The following TAFA2 variants were observed in gnomAD, a reference collection of about 807,000 sequenced individuals.
The protein encoded by TAFA2 is chemokine-like protein TAFA-2.
TAFA2 carries 7 observed loss-of-function variants against 18.8 expected under a neutral mutation model. That is an observed-to-expected ratio of 0.37 (90% CI 0.21 to 0.70). The LOEUF (loss-of-function observed/expected upper bound fraction) is 0.70. TAFA2 is among the 30% of genes least tolerant of loss of function. The pLI, the probability that TAFA2 is intolerant of heterozygous loss-of-function variation, is 0.53. For synonymous variants in TAFA2, 60 were observed against 54.2 expected, an observed-to-expected ratio of 1.11 and a Z score of -0.47; for missense variants, 122 against 158.1, an observed-to-expected ratio of 0.77 and a Z score of 1.23.
intron 2 of TAFA2, among the ~76,000 whole-genome samples, chr12:61,775,360 A>G (rs1870211483): frequency 6.6e-6 from 1 of 151,874 alleles, no homozygotes; most frequent in Non-Finnish European, 1.5e-5. Context: ...GCACATGGAT[A>G]TTTATAGCAG....
chr12:62,002,973 C>T (rs552610047), intron 1 of TAFA2, among the ~76,000 whole-genome samples: 1 of 152,264 alleles, frequency 6.6e-6, no homozygotes, highest in East Asian at 1.9e-4. Flanking sequence ...ACCCATCTGA[C>T]ATCCTCTCTA....
At chr12:61,889,890 C>T (rs1186396023) in intron 1 of TAFA2, among the ~76,000 whole-genome samples, 1 of 152,248 alleles carries the variant, frequency 6.6e-6, no homozygotes. Flanking sequence ...TCCCCATCAA[C>T]CACTGACTTT....
At chr12:62,153,476 A>C (rs992864386) in intron 1 of TAFA2, among the ~76,000 whole-genome samples, 4 of 152,106 alleles carry the variant, frequency 2.6e-5, no homozygotes, top group Non-Finnish European at 5.9e-5. Context: ...CAGTCTGGGC[A>C]ACAGAGCAAG....
chr12:62,085,340 A>G (rs1394991292), intron 1 of TAFA2, among the ~76,000 whole-genome samples: 1 of 152,198 alleles, frequency 6.6e-6, no homozygotes, highest in Non-Finnish European at 1.5e-5. Context: ...GTTTTATCCC[A>G]AGCTTAGCAG....
intron 4 of TAFA2, among the ~76,000 whole-genome samples, chr12:61,734,786 A>G (rs1317589066): frequency 6.6e-6 from 1 of 152,068 alleles, no homozygotes; most frequent in East Asian, 1.9e-4. Flanking sequence ...ATATACATAT[A>G]GAATTTACCA....
At chr12:61,760,133 T>C (rs541763477) in intron 2 of TAFA2, among the ~76,000 whole-genome samples, 1 of 150,046 alleles carries the variant, frequency 6.7e-6, no homozygotes, top group East Asian at 2.0e-4. Flanking sequence ...GGTAGTTTCC[T>C]GGTGAGAAAT....
Position 61,878,111 on chromosome 12 carries a change from G to C in TAFA2, c.-1-10685C>G, listed in dbSNP as rs901928722. ...TACCTAGAATAGTCAAATTCGTTGA[G>C]ACAGAAAGTAGAATAGAGATTACCA... On this transcript the variant is annotated intron_variant, in intron 1 of 4. Transcript: ENST00000416284. 8.8e-6 allele frequency: 4 copies of C among 455,018 alleles called. No individual in the cohort carries two copies. In the East Asian group the frequency reaches 2.8e-4, roughly 32 times the overall value. The allele number at this position is 455,018 out of a possible 1,614,324, so 28.2% of individuals were successfully genotyped here.
Position 62,061,957 on chromosome 12 carries a change from C to T in TAFA2, c.-2+129302G>A, listed in dbSNP as rs569500443. Among the ~76,000 whole-genome samples, 12 of 151,766 alleles carry T rather than the reference C, an allele frequency of 7.9e-5. No homozygotes were observed. In the South Asian group the frequency reaches 1.9e-3, roughly 24 times the overall value. ...AGCACCAAGAGGCCCAGGGGAGGCT[C>T]GGGGAAAAAAAAGAGATGCCAGCCT... On this transcript the variant is annotated intron_variant, in intron 1 of 4. Coordinates refer to ENST00000416284, the MANE Select transcript of TAFA2 (RefSeq NM_178539.5).
chr12:62,178,222 C>G (rs2062527044), intron 1 of TAFA2, among the ~76,000 whole-genome samples: 1 of 152,090 alleles, frequency 6.6e-6, no homozygotes, highest in African/African-American at 2.4e-5. Context: ...ATCACTTGAG[C>G]CCGAGAGATC....
intron 1 of TAFA2, among the ~76,000 whole-genome samples, chr12:62,255,797 T>C (rs2062935632): frequency 6.6e-6 from 1 of 152,118 alleles, no homozygotes; most frequent in Admixed American, 6.5e-5. Flanking sequence ...AAGGTTGCAG[T>C]GAGCGGAGAT....
At chr12:62,027,421 C>T (rs547240657) in intron 1 of TAFA2, among the ~76,000 whole-genome samples, 2 of 152,142 alleles carry the variant, frequency 1.3e-5, no homozygotes, top group African/African-American at 2.4e-5. Context: ...CAAAAGAAAT[C>T]ATAAAATTTA....
At chr12:61,993,791 A>G (rs1367634351) in intron 1 of TAFA2, among the ~76,000 whole-genome samples, 1 of 152,224 alleles carries the variant, frequency 6.6e-6, no homozygotes, top group Non-Finnish European at 1.5e-5. Context: ...CACAGAGACT[A>G]AAGTGTTCAT....
chr12:61,880,771 G>A, intron 1 of TAFA2: 2 of 365,216 alleles, frequency 5.5e-6, no homozygotes, highest in South Asian at 4.9e-5. Flanking sequence ...CTGCCTGAGT[G>A]AACTGCCATG....
rs1397030758 is a variant in TAFA2 at position 61,708,815 on chromosome 12, T to C, written c.*1591A>G. ...AGTGTCTGAGTAGTGTTTTGGCCTT[T>C]GAATATTGTCACAAACTAATAGACC... On this transcript the variant is annotated 3_prime_UTR_variant, in exon 5 of 5. Coordinates refer to ENST00000416284, the MANE Select transcript of TAFA2 (RefSeq NM_178539.5). 6.6e-6 allele frequency: 1 copy of C among 152,276 alleles called. No individual in the cohort carries two copies. The highest frequency in any genetic ancestry group is 2.4e-5 in the African/African-American group (1 of 41,578). The allele number at this position is 152,276 out of a possible 1,614,324, so 9.4% of individuals were successfully genotyped here. A position where few individuals can be genotyped will look rare whatever the true frequency, so the allele number is the denominator to read the frequency against.
intron 1 of TAFA2, among the ~76,000 whole-genome samples, chr12:62,256,955 A>T (rs1326364815): frequency 1.3e-5 from 2 of 152,066 alleles, no homozygotes; most frequent in Non-Finnish European, 2.9e-5. Context: ...TAGAGAGGTG[A>T]GTAAGAATGA....
intron 1 of TAFA2, among the ~76,000 whole-genome samples, chr12:62,072,223 G>T (rs1307456404): frequency 3.9e-5 from 6 of 151,966 alleles, no homozygotes; most frequent in Non-Finnish European, 8.8e-5. Context: ...CCAGCACTTT[G>T]GAAGGCCGAG....
chr12:61,846,652 A>C (rs1873417390), intron 2 of TAFA2, among the ~76,000 whole-genome samples: 1 of 152,228 alleles, frequency 6.6e-6, no homozygotes, highest in Admixed American at 6.5e-5. Context: ...GTCTTTGCTT[A>C]CATAACTTAA....
rs577919334 is a variant in TAFA2 at position 61,920,941 on chromosome 12, G to A, written c.-1-53515C>T. On this transcript the variant is annotated intron_variant, in intron 1 of 4. Transcript: ENST00000416284. ...AAAGAAGATGAGTGAGTACCCAAGC[G>A]AATATTTGGGAAAAAATTCTCCCTG... Among the ~76,000 whole-genome samples, 19 of 152,156 alleles carry A rather than the reference G, an allele frequency of 1.2e-4. 1 individual carries two copies. In the Middle Eastern group the frequency reaches 0.01, roughly 83 times the overall value.
At chr12:61,927,270 G>A (rs1246273387) in intron 1 of TAFA2, among the ~76,000 whole-genome samples, 2 of 151,976 alleles carry the variant, frequency 1.3e-5, no homozygotes, top group African/African-American at 4.8e-5. Context: ...AAAACCCATC[G>A]TCTCAGCCCA....
Sources: gnomAD v4.1 joint callset for allele counts (sites outside exome capture counted in the v4.1 genomes callset) on GRCh38, gnomAD v4.1.1 for gene constraint, MANE v1.5 for transcripts, NCBI Gene and HGNC (gene_info 2026-07-23, HGNC 2026-07-21) for gene names.